POT1: variants seen among roughly 807,000 people sequenced by gnomAD.
POT1 encodes the protein protection of telomeres protein 1.
In POT1, 47 loss-of-function variants were observed where a neutral mutation model predicts 78.5. That is an observed-to-expected ratio of 0.60 (90% CI 0.47 to 0.76). POT1 has a LOEUF of 0.76. Among genes scored for constraint, POT1 ranks in the 30% least tolerant of loss-of-function variants. The probability of loss-of-function intolerance (pLI) is 0.00; values close to 1 mark genes in which losing one functional copy is unlikely to be tolerated. For missense variants in POT1, 646 were observed against 749.9 expected, an observed-to-expected ratio of 0.86 and a Z score of 1.62; for synonymous variants, 259 against 260.7, an observed-to-expected ratio of 0.99 and a Z score of 0.06.
At chr7:124,860,724 G>A (rs967910699) in intron 8 of POT1, among the ~76,000 whole-genome samples, 8 of 151,958 alleles carry the variant, frequency 5.3e-5, no homozygotes, top group African/African-American at 1.5e-4. Context: ...CGTCATCTAC[G>A]TTAGGTATTT....
At chr7:124,910,221 T>C (rs984758544) in intron 3 of POT1, among the ~76,000 whole-genome samples, 9 of 151,918 alleles carry the variant, frequency 5.9e-5, no homozygotes, top group Non-Finnish European at 1.3e-4. Flanking sequence ...TAGCCTGCCA[T>C]ACTGTCTGAA....
At chr7:124,844,490 A>T (rs1433592483) in intron 12 of POT1, among the ~76,000 whole-genome samples, 2 of 147,842 alleles carry the variant, frequency 1.4e-5, no homozygotes, top group Non-Finnish European at 3.0e-5. Context: ...TAATCCCAGC[A>T]CTTTGGGAGG....
intron 11 of POT1, chr7:124,848,607 G>A (rs772871383): frequency 1.0e-5 from 2 of 200,036 alleles, no homozygotes; most frequent in African/African-American, 2.4e-5. Flanking sequence ...AGGCTGCAAT[G>A]AGCCGAGACC....
At chr7:124,904,242 A>C (rs1039766035) in intron 3 of POT1, among the ~76,000 whole-genome samples, 7 of 152,208 alleles carry the variant, frequency 4.6e-5, no homozygotes, top group African/African-American at 1.7e-4. Flanking sequence ...AATATCCCTG[A>C]TGAACATCAG....
At position 124,905,467 on chromosome 7, in the gene POT1, T is replaced by C. The variant is rs983676060; in HGVS notation, c.-153-7093A>G. On this transcript the variant is annotated intron_variant, in intron 3 of 18. Coordinates refer to ENST00000357628, the MANE Select transcript of POT1 (RefSeq NM_015450.3). ...AACTGGATCCCTTCCTTACACCTTA[T>C]ACAAAAATTAATTAAAGATGGATTA... is the stretch of plus-strand genomic sequence containing the variant. Among the ~76,000 whole-genome samples the C allele has an allele frequency of 4.0e-5, 6 of 151,692 alleles. No individual in the cohort carries two copies. In the East Asian group the frequency reaches 7.7e-4, roughly 20 times the overall value.
intron 9 of POT1, among the ~76,000 whole-genome samples, chr7:124,858,170 T>A (rs1795493254): frequency 6.6e-6 from 1 of 152,192 alleles, no homozygotes; most frequent in Admixed American, 6.5e-5. Context: ...AGCTGTGGAA[T>A]CTTGAACCAC....
intron 6 of POT1, among the ~76,000 whole-genome samples, chr7:124,881,156 G>A (rs1796109620): frequency 6.6e-6 from 1 of 151,862 alleles, no homozygotes; most frequent in African/African-American, 2.4e-5. Context: ...ACTTACACAA[G>A]CCCAGACGAT....
Position 124,829,269 on chromosome 7 carries a change from A to C in POT1, c.1579T>G (p.Ser527Ala). The change falls in exon 16 of 19, where the codon TCT becomes GCT. Residue 527 changes from serine to alanine, a missense_variant. Physicochemically the swap from Ser to Ala is moderately conservative, Grantham distance 99. Transcript: ENST00000357628. ...TTTAGCTAACCTTCTGCCACAGAAG[A>C]AGGAATCCACGATGTTTTATCAACC... ...SLVDKTSWIP[S>A]SVAEALGIVP... 1.2e-6 allele frequency: 2 copies of C among 1,601,950 alleles called. No individual in the cohort carries two copies. The highest frequency in any genetic ancestry group is 1.7e-6 in the Non-Finnish European group (2 of 1,169,138).
Position 124,823,953 on chromosome 7 carries a change from A to C in POT1, c.*9T>G. 1.3e-6 allele frequency: 2 copies of C among 1,509,028 alleles called. No individual in the cohort carries two copies. The highest frequency in any genetic ancestry group is 1.8e-6 in the Non-Finnish European group (2 of 1,088,516). 93.5% of individuals were successfully genotyped at this position (1,509,028 alleles called of 1,614,324 possible). A position where few individuals can be genotyped will look rare whatever the true frequency, so the allele number is the denominator to read the frequency against. ...CAACATTTTATGTATGCTAAATTGG[A>C]TGGCAATATTAGATTACATCTTCTG... is the stretch of plus-strand genomic sequence containing the variant. On this transcript the variant is annotated 3_prime_UTR_variant, in exon 19 of 19. Transcript: ENST00000357628.
intron 14 of POT1, among the ~76,000 whole-genome samples, chr7:124,840,183 C>T (rs1336287601): frequency 1.3e-5 from 2 of 151,944 alleles, no homozygotes; most frequent in African/African-American, 4.8e-5. Context: ...CTATAATTTA[C>T]ATAGAATTCC....
At chr7:124,895,061 G>T (rs1796460705) in intron 5 of POT1, among the ~76,000 whole-genome samples, 1 of 151,584 alleles carries the variant, frequency 6.6e-6, no homozygotes, top group South Asian at 2.1e-4. Context: ...CTTGTTGAGG[G>T]TTTTTATTGC....
At chr7:124,846,894 T>C (rs765908835) in intron 12 of POT1, 48 bp downstream of exon 12, 5 of 1,343,366 alleles carry the variant, frequency 3.7e-6, no homozygotes, top group South Asian at 1.2e-5. Flanking sequence ...AGGCAGACTT[T>C]ATTATGCTCA....
intron 18 of POT1, among the ~76,000 whole-genome samples, chr7:124,824,983 A>G (rs966070473): frequency 6.6e-6 from 1 of 152,164 alleles, no homozygotes; most frequent in Non-Finnish European, 1.5e-5. Flanking sequence ...TTGTAGCATG[A>G]CAATGTCAAA....
chr7:124,922,574 A>G (rs1339980736), intron 2 of POT1, among the ~76,000 whole-genome samples: 2 of 151,972 alleles, frequency 1.3e-5, no homozygotes, highest in African/African-American at 4.8e-5. Flanking sequence ...GAGTGGTACA[A>G]TAGTAGCTGT....
At chr7:124,885,679 T>A (rs967152527) in intron 6 of POT1, among the ~76,000 whole-genome samples, 3 of 151,966 alleles carry the variant, frequency 2.0e-5, no homozygotes, top group African/African-American at 7.3e-5. Flanking sequence ...GGCAGGAGAA[T>A]GGCGTGAACC....
chr7:124,892,432 G>T, intron 5 of POT1, 52 bp from the exon 6 acceptor site: 3 of 881,576 alleles, frequency 3.4e-6, no homozygotes, highest in South Asian at 2.5e-5. Context: ...TTACATTGTA[G>T]AATCATGTTA....
intron 6 of POT1, among the ~76,000 whole-genome samples, chr7:124,880,470 T>A (rs952043375): frequency 2.0e-5 from 3 of 152,098 alleles, no homozygotes. Context: ...TAGTTTAATG[T>A]TAGCCAAGAT....
rs1335197758 is a variant in POT1 at position 124,841,013 on chromosome 7, A to C, written c.1329T>G (p.Gly443=). 1 of 1,611,484 alleles carries C rather than the reference A, an allele frequency of 6.2e-7. No individual in the cohort carries two copies. The highest frequency in any genetic ancestry group is 1.7e-4 in the Middle Eastern group (1 of 5,938). ...KVAVHFVKNN[G]ILPLSNECLL... is the part of the protein sequence containing the mutation. The stretch of plus-strand genomic sequence containing the variant: ...GACATTCATTTGAAAGCGGGAGAAT[A>C]CCATTATTTTTCACAAAATGAACTG... The change falls in exon 14 of 19, where the codon GGT becomes GGG. Residue 443 remains glycine, a synonymous_variant. Transcript: ENST00000357628.
intron 6 of POT1, among the ~76,000 whole-genome samples, chr7:124,879,703 T>A (rs1222572262): frequency 1.3e-5 from 2 of 152,150 alleles, no homozygotes; most frequent in Non-Finnish European, 2.9e-5. Context: ...GAAATTAGGA[T>A]AATGTAGTGT....
Sources: gnomAD v4.1 joint callset for allele counts (sites outside exome capture counted in the v4.1 genomes callset) on GRCh38, gnomAD v4.1.1 for gene constraint, MANE v1.5 for transcripts, NCBI Gene and HGNC (gene_info 2026-07-23, HGNC 2026-07-21) for gene names.